The following STAG2 variants were observed in gnomAD, a reference collection of about 807,000 sequenced individuals.
The protein encoded by STAG2 is cohesin subunit SA-2.
A neutral mutation model predicts 108.1 loss-of-function variants in STAG2; 14 were observed. The ratio of observed to expected loss-of-function variants is 0.13; its 90% CI spans 0.09 to 0.20. The LOEUF is 0.20. Among genes scored for constraint, STAG2 ranks in the 10% least tolerant of loss-of-function variants. The pLI, the probability that STAG2 is intolerant of heterozygous loss-of-function variation, is 1.00. For synonymous variants in STAG2, 307 were observed against 302.7 expected (o/e 1.01, Z -0.15); for missense variants, 440 against 940.9 (o/e 0.47, Z 6.96).
intron 19 of STAG2, 49 bp from the exon 20 acceptor site, chrX:124,063,799 A>G (rs773099861): frequency 1.8e-6 from 2 of 1,115,910 alleles, no homozygotes; most frequent in Middle Eastern, 2.4e-4. Context: ...GTCACTTTAT[A>G]CCTATCATAT....
At position 124,025,936 on chromosome X, in the gene STAG2, G is replaced by T; in HGVS notation, c.123+18G>T. On this transcript the variant is annotated intron_variant, in intron 4 of 34. Coordinates refer to ENST00000371145, the MANE Select transcript of STAG2 (RefSeq NM_001042750.2). ...AAGGCAAAGTATGTATCAAATATTT[G>T]ACTTTATTTTGTTTCCTAAGATCTC... 2 of 1,098,115 alleles carry T rather than the reference G, an allele frequency of 1.8e-6. No homozygotes were observed. Among genetic ancestry groups the T allele is most frequent in the Admixed American group, 2.3e-5 (1 of 42,757 alleles). The allele number at this position is 1,098,115 out of a possible 1,213,427, so 90.5% of individuals were successfully genotyped here. A position where few individuals can be genotyped will look rare whatever the true frequency, so the allele number is the denominator to read the frequency against.
Position 123,990,383 on chromosome X carries a change from G to A in STAG2, c.-163+28527G>A, listed in dbSNP as rs923337168. 3.6e-5 allele frequency among the ~76,000 whole-genome samples: 4 copies of A among 111,776 alleles called. No individual in the cohort carries two copies. The Admixed American group carries it at 3.8e-4, about 11-fold the overall frequency. On this transcript the variant is annotated intron_variant, in intron 1 of 34. Coordinates refer to ENST00000371145, the MANE Select transcript of STAG2 (RefSeq NM_001042750.2). Reference sequence around the variant, plus strand: ...GAAAGGTACTTTCAGTTTTCCCTCTGCCACACAGAGGTACTTTAGTATGGA... The same window carrying A: ...GAAAGGTACTTTCAGTTTTCCCTCTACCACACAGAGGTACTTTAGTATGGA...
At chrX:123,987,767 T>C (rs1250592849) in intron 1 of STAG2, among the ~76,000 whole-genome samples, 1 of 112,081 alleles carries the variant, frequency 8.9e-6, no homozygotes, top group Non-Finnish European at 1.9e-5. Flanking sequence ...ATAAAATCTG[T>C]ACATAGGAAG....
intron 25 of STAG2, among the ~76,000 whole-genome samples, chrX:124,071,575 C>G (rs1223556476): frequency 9.0e-6 from 1 of 111,426 alleles, no homozygotes; most frequent in Non-Finnish European, 1.9e-5. Flanking sequence ...TTCTAACTAC[C>G]TCATAAAACT....
intron 8 of STAG2, among the ~76,000 whole-genome samples, chrX:124,047,132 G>A (rs1284908120): frequency 9.0e-6 from 1 of 111,538 alleles, no homozygotes; most frequent in Non-Finnish European, 1.9e-5. Context: ...GAATGAAATG[G>A]GTATAATACT....
chrX:124,021,586 T>C (rs775951003), intron 2 of STAG2, among the ~76,000 whole-genome samples, 155 bp downstream of exon 2: 10 of 112,133 alleles, frequency 8.9e-5, no homozygotes, highest in African/African-American at 3.2e-4. Context: ...ACATGTACTT[T>C]GGTCAAAAAT....
chrX:124,024,305 A>T (rs1034628057), intron 3 of STAG2, among the ~76,000 whole-genome samples: 7 of 111,379 alleles, frequency 6.3e-5, no homozygotes, highest in Non-Finnish European at 1.3e-4. Context: ...TCTTTAAGAG[A>T]GCTGGTGTCC....
rs367702969 is a variant in STAG2 at position 124,090,903 on chromosome X, C to G, written c.3517C>G (p.Gln1173Glu). 3 of 1,211,415 alleles carry G rather than the reference C, an allele frequency of 2.5e-6. No homozygotes were observed. The Admixed American group carries it at 6.5e-5, about 26-fold the overall frequency. ...TCAAAGACAACAAGAGGAAGCAAGG[C>G]AACAGCAGGAGAGAGCAGCAATGAG... The part of the protein sequence containing the change: ...LAQRQQEEAR[Q>E]QQERAAMSYV... The change falls in exon 32 of 35, where the codon CAA (glutamine) becomes GAA (glutamate). Residue 1173 changes from glutamine to glutamate, a missense_variant. Transcript: ENST00000371145.
Position 124,083,425 on chromosome X carries a change from G to A in STAG2, c.2929G>A (p.Gly977Ser). The A allele has an allele frequency of 8.6e-7, 1 of 1,169,232 alleles. No homozygotes were observed. Among genetic ancestry groups the A allele is most frequent in the Non-Finnish European group, 1.1e-6 (1 of 876,670 alleles). Reference sequence around the variant, plus strand: ...ATTTTTTGTTTTCCTTTGCAGAGATGGCATAGAATTTGCTTTTAAAGAGCC... The same window carrying A: ...ATTTTTTGTTTTCCTTTGCAGAGATAGCATAGAATTTGCTTTTAAAGAGCC... ...REAIAMLHKDGIEFAFKEPNP... is the reference protein window; with the variant it reads ...REAIAMLHKDSIEFAFKEPNP... The change falls in exon 29 of 35, where the codon GGC becomes AGC. Residue 977 changes from glycine to serine, a missense_variant. Gly to Ser is a moderately conservative substitution (Grantham distance 56). Transcript: ENST00000371145.
intron 27 of STAG2, among the ~76,000 whole-genome samples, chrX:124,079,299 C>T (rs748703862): frequency 2.1e-4 from 23 of 109,503 alleles, no homozygotes; most frequent in South Asian, 2.0e-3. Context: ...CCACCACACC[C>T]GGCTAATTTT....
intron 34 of STAG2, 154 bp downstream of exon 34, chrX:124,095,603 G>A (rs1434320364): frequency 2.2e-6 from 1 of 454,522 alleles, no homozygotes; most frequent in African/African-American, 2.5e-5. Flanking sequence ...TCAGTGGGAG[G>A]GGAAGAGAGT....
At chrX:124,054,009 T>G (rs995030793) in intron 13 of STAG2, among the ~76,000 whole-genome samples, 9 of 112,476 alleles carry the variant, frequency 8.0e-5, no homozygotes, top group African/African-American at 2.9e-4. Flanking sequence ...TAAATCTGTT[T>G]GCTTGGCAAA....
intron 1 of STAG2, among the ~76,000 whole-genome samples, chrX:124,020,499 G>A (rs760236569): frequency 2.4e-4 from 27 of 111,471 alleles, no homozygotes; most frequent in Non-Finnish European, 5.1e-4. Context: ...GGAGGTGAAT[G>A]TGTATCTTAC....
At chrX:123,986,089 GAT>G (rs1424396113) in intron 1 of STAG2, among the ~76,000 whole-genome samples, 1 of 103,354 alleles carries the variant, frequency 9.7e-6, no homozygotes, top group African/African-American at 3.5e-5. Flanking sequence ...ATACATATAT[GAT>G]ATATATCATG....
intron 5 of STAG2, among the ~76,000 whole-genome samples, chrX:124,034,043 C>A (rs1475931583): frequency 2.7e-5 from 3 of 111,665 alleles, no homozygotes; most frequent in Admixed American, 1.9e-4. Flanking sequence ...ACAGTTTGAA[C>A]ACAAAACCCT....
chrX:124,016,651 A>G (rs2056741604), intron 1 of STAG2, among the ~76,000 whole-genome samples: 1 of 111,555 alleles, frequency 9.0e-6, no homozygotes, highest in African/African-American at 3.3e-5. Context: ...AGACCTTGAC[A>G]CAACATTTTT....
intron 14 of STAG2, 108 bp from the exon 15 acceptor site, chrX:124,057,758 T>C: frequency 2.2e-6 from 1 of 454,894 alleles, no homozygotes; most frequent in Non-Finnish European, 3.5e-6. Flanking sequence ...CCAGTTCTCC[T>C]TTACTCCTTT....
At chrX:123,989,462 TA>T (rs1446679137) in intron 1 of STAG2, among the ~76,000 whole-genome samples, 1 of 111,596 alleles carries the variant, frequency 9.0e-6, no homozygotes, top group Non-Finnish European at 1.9e-5. Flanking sequence ...AAGCAGCATA[TA>T]CATTGTATTT....
chrX:124,087,532 T>A lies in STAG2; in HGVS notation c.3277+762T>A, dbSNP rs781612931. Among the ~76,000 whole-genome samples, 3 of 111,833 alleles carry A rather than the reference T, an allele frequency of 2.7e-5. No homozygotes were observed. In the South Asian group the frequency reaches 1.1e-3, roughly 42 times the overall value. ...TCACTTACATATCTGATGCTGGCTG[T>A]CATTTGGGACCTCAGCTGTACTGTC... On this transcript the variant is annotated intron_variant, in intron 30 of 34. Transcript: ENST00000371145.
Sources: allele counts gnomAD v4.1 joint callset (sites outside exome capture counted in the v4.1 genomes callset), GRCh38; gene constraint gnomAD v4.1.1; transcripts MANE v1.5; gene names NCBI Gene and HGNC (gene_info 2026-07-23, HGNC 2026-07-21).